The following CELF2 variants were observed in gnomAD, a reference collection of about 807,000 sequenced individuals.
The protein encoded by CELF2 is CUG triplet repeat RNA-binding protein 2.
In CELF2, 8 loss-of-function variants were observed where a neutral mutation model predicts 62.6. That is an observed-to-expected ratio of 0.13 (90% CI 0.07 to 0.23). CELF2 has a LOEUF of 0.23. CELF2 is among the 10% of genes least tolerant of loss of function. The pLI, the probability that CELF2 is intolerant of heterozygous loss-of-function variation, is 1.00. For missense variants in CELF2, 333 were observed against 671.0 expected (o/e 0.50, Z 5.56); for synonymous variants, 258 against 250.0 (o/e 1.03, Z -0.30).
At chr10:10,547,686 AGAGAGAGT>A in the CELF2 span, among the ~76,000 whole-genome samples, 2 of 136,026 alleles carry the variant, frequency 1.5e-5, no homozygotes, top group East Asian at 2.1e-4. Flanking sequence ...AGAGAGAGAG[AGAGAGAGT>A]GTGTGTGTGT....
the CELF2 span, among the ~76,000 whole-genome samples, chr10:10,702,942 C>T: frequency 6.6e-6 from 1 of 152,056 alleles, no homozygotes; most frequent in South Asian, 2.1e-4. Context: ...AAGATTTTTC[C>T]CCCTAAATAG....
chr10:10,918,455 G>A (rs1038300294), intron 1 of CELF2, among the ~76,000 whole-genome samples: 3 of 152,152 alleles, frequency 2.0e-5, no homozygotes, highest in African/African-American at 7.2e-5. Flanking sequence ...GATTACTTAG[G>A]AAAGAATATT....
intron 1 of CELF2, among the ~76,000 whole-genome samples, chr10:11,060,397 A>G (rs1452244150): frequency 6.6e-6 from 1 of 152,226 alleles, no homozygotes; most frequent in African/African-American, 2.4e-5. Context: ...TCTCATTAGA[A>G]TGAAATCATT....
chr10:11,013,265 G>T (rs537661545), upstream of CELF2, among the ~76,000 whole-genome samples: 5 of 152,210 alleles, frequency 3.3e-5, no homozygotes, highest in Non-Finnish European at 2.9e-5. This position sits in a 1 kb window ranked among gnomAD's most constrained non-coding sequence, Gnocchi z 4.1. Flanking sequence ...AAGGGAGAAA[G>T]AGAAAGCTGA....
At chr10:10,800,863 T>TA (rs1193589211) in intron 1 of CELF2, among the ~76,000 whole-genome samples, 1 of 152,198 alleles carries the variant, frequency 6.6e-6, no homozygotes, top group African/African-American at 2.4e-5. Context: ...CCTTTTTTTT[T>TA]AAACTGGATT....
At chr10:11,144,212 G>A (rs931655393) in intron 1 of CELF2, among the ~76,000 whole-genome samples, 1 of 152,140 alleles carries the variant, frequency 6.6e-6, no homozygotes, top group Non-Finnish European at 1.5e-5. Context: ...TGCGTGGCAA[G>A]GTCAGAAAAG....
chr10:11,276,027 C>T (rs1483059230), intron 8 of CELF2, among the ~76,000 whole-genome samples: 1 of 152,216 alleles, frequency 6.6e-6, no homozygotes, highest in Non-Finnish European at 1.5e-5. Flanking sequence ...CACCCTGAAT[C>T]AGTGCAATGA....
the CELF2 span, among the ~76,000 whole-genome samples, chr10:10,565,941 T>G: frequency 1.3e-5 from 2 of 152,234 alleles, no homozygotes; most frequent in Non-Finnish European, 2.9e-5. Flanking sequence ...TATGCTTTAG[T>G]TAGCAGAAAT....
chr10:10,971,366 C>G (rs572443872), intron 2 of CELF2, among the ~76,000 whole-genome samples: 2 of 152,292 alleles, frequency 1.3e-5, no homozygotes, highest in African/African-American at 2.4e-5. Context: ...CTCAACCCCC[C>G]TCACCTTATA....
At chr10:10,976,410 G>A (rs2051342781) in intron 2 of CELF2, among the ~76,000 whole-genome samples, 2 of 152,198 alleles carry the variant, frequency 1.3e-5, no homozygotes, top group African/African-American at 4.8e-5. Context: ...TGTAGACAGA[G>A]TCGTTATCTA....
rs541594776 is a variant in CELF2, at chr10:11,191,245, T to C, written c.271+25563T>C. 6.6e-5 allele frequency among the ~76,000 whole-genome samples: 10 copies of C among 152,272 alleles called. No homozygotes were observed. Among genetic ancestry groups the C allele is most frequent in the South Asian group, 4.1e-4 (2 of 4,820 alleles). On this transcript the variant is annotated intron_variant, in intron 2 of 12. Coordinates refer to ENST00000633077, the MANE Select transcript of CELF2 (RefSeq NM_001326342.2). The surrounding 1 kb of genome is among the most constrained non-coding windows in gnomAD (Gnocchi z 4.1). The stretch of plus-strand genomic sequence containing the variant: ...TTTACAGAGAGGCTTCCTACTTAGA[T>C]GGTTCTCTCTAGCTATGGGGCTTGG...
intron 2 of CELF2, among the ~76,000 whole-genome samples, chr10:11,199,267 T>G (rs1474924013): frequency 1.3e-5 from 2 of 152,244 alleles, no homozygotes; most frequent in Non-Finnish European, 2.9e-5. Flanking sequence ...CGATGTTATC[T>G]TCTACTCCCC....
rs1018162612 is a variant in CELF2 at position 10,949,706 on chromosome 10, C to T, written c.89+29707C>T. On this transcript the variant is annotated intron_variant, in intron 2 of 13. Coordinates refer to the CELF2 transcript ENST00000636488. ...GTCCCAGCTACTAGGGAAGCTGAGG[C>T]ATGAGAACCACCTGAAGCTGGGAGG... is the stretch of plus-strand genomic sequence containing the variant. Among the ~76,000 whole-genome samples, 11 of 151,426 alleles carry T rather than the reference C, an allele frequency of 7.3e-5. No homozygotes were observed. In the East Asian group the frequency reaches 2.1e-3, roughly 30 times the overall value.
In CELF2 at chr10:11,268,390, A is replaced by C. The variant is rs1448927943; in HGVS notation, c.618+1713A>C. Among the ~76,000 whole-genome samples the C allele has an allele frequency of 6.6e-6, 1 of 152,092 alleles. No individual in the cohort carries two copies. Among genetic ancestry groups the C allele is most frequent in the Non-Finnish European group, 1.5e-5 (1 of 68,008 alleles). Reference sequence around the variant, plus strand: ...TTCTGTTAGAAACATTACGATCCCCATTCCTTCCCTTGGAGCCCCCCCAGT... The same window carrying C: ...TTCTGTTAGAAACATTACGATCCCCCTTCCTTCCCTTGGAGCCCCCCCAGT... On this transcript the variant is annotated intron_variant, in intron 6 of 12. Coordinates refer to ENST00000633077, the MANE Select transcript of CELF2 (RefSeq NM_001326342.2). This position sits in a 1 kb window ranked among gnomAD's most constrained non-coding sequence, Gnocchi z 4.7.
At chr10:10,584,734 T>G in the CELF2 span, among the ~76,000 whole-genome samples, 1 of 152,208 alleles carries the variant, frequency 6.6e-6, no homozygotes, top group Non-Finnish European at 1.5e-5. Flanking sequence ...TAATATAACT[T>G]TCTGAGATGA....
At chr10:10,617,384 C>T in the CELF2 span, among the ~76,000 whole-genome samples, 2 of 152,134 alleles carry the variant, frequency 1.3e-5, no homozygotes, top group African/African-American at 2.4e-5. Flanking sequence ...GGTTAGGTAA[C>T]TTGAAAGGCT....
At chr10:11,040,128 A>C (rs2061572141) in intron 1 of CELF2, among the ~76,000 whole-genome samples, 1 of 152,226 alleles carries the variant, frequency 6.6e-6, no homozygotes, top group African/African-American at 2.4e-5. Flanking sequence ...AAGGTAGGAC[A>C]GGAGGAAGTT....
At chr10:11,201,814 A>G (rs2059277461) in intron 2 of CELF2, among the ~76,000 whole-genome samples, 1 of 152,228 alleles carries the variant, frequency 6.6e-6, no homozygotes, top group African/African-American at 2.4e-5. Context: ...GTTTTTGCCA[A>G]TGTTCCAGGC....
At chr10:10,797,845 C>T (rs1202711831), upstream of CELF2, among the ~76,000 whole-genome samples, 4 of 152,216 alleles carry the variant, frequency 2.6e-5, no homozygotes, top group Middle Eastern at 3.4e-3. Context: ...CCATACGGGG[C>T]GAAGGGATAA....
Sources: allele counts gnomAD v4.1 joint callset (sites outside exome capture counted in the v4.1 genomes callset), GRCh38; gene constraint gnomAD v4.1.1; non-coding constraint Gnocchi (gnomAD v3.1); transcripts MANE v1.5; gene names NCBI Gene and HGNC (gene_info 2026-07-23, HGNC 2026-07-21).